The following NKAIN3 variants were observed in gnomAD, a reference collection of about 807,000 sequenced individuals.
NKAIN3 encodes the protein sodium/potassium transporting ATPase interacting 3.
A neutral mutation model predicts 30.2 loss-of-function variants in NKAIN3; 25 were observed. The observed-to-expected ratio is 0.83, with a 90% CI of 0.60 to 1.16. The LOEUF (loss-of-function observed/expected upper bound fraction) is 1.16, where lower values mean the gene tolerates loss of function less well. Ranked by LOEUF, NKAIN3 falls within the 50% of genes most tolerant of loss-of-function variation. The pLI is 0.00. For synonymous variants in NKAIN3, 91 were observed against 89.6 expected (o/e 1.02, Z -0.09); for missense variants, 225 against 254.1 (o/e 0.89, Z 0.78).
chr8:62,384,848 G>A (rs1474974071), intron 1 of NKAIN3, among the ~76,000 whole-genome samples: 8 of 152,082 alleles, frequency 5.3e-5, no homozygotes, highest in Admixed American at 5.2e-4. Context: ...GTAATGAGTA[G>A]GATTACTGTG....
At position 62,603,382 on chromosome 8, in the gene NKAIN3, G is replaced by A. The variant is rs1811037547; in HGVS notation, c.273+13588G>A. Among the ~76,000 whole-genome samples the A allele has an allele frequency of 2.0e-5, 3 of 152,150 alleles. No homozygotes were observed. In the South Asian group the frequency reaches 6.2e-4, roughly 32 times the overall value. On this transcript the variant is annotated intron_variant, in intron 3 of 6. Transcript: ENST00000623646. ...ATAAAATAAAACTGCACCACATGGTGAGATTATGATTGATGAGTATTAAGC... is the reference window on the plus strand; with the variant it reads ...ATAAAATAAAACTGCACCACATGGTAAGATTATGATTGATGAGTATTAAGC...
chr8:62,439,962 G>T (rs1375630400), intron 1 of NKAIN3, among the ~76,000 whole-genome samples: 1 of 152,172 alleles, frequency 6.6e-6, no homozygotes, highest in African/African-American at 2.4e-5. Flanking sequence ...TTAATATGAG[G>T]AGAATGTGTT....
chr8:62,767,731 C>G (rs1027083517), intron 4 of NKAIN3, among the ~76,000 whole-genome samples: 1 of 152,026 alleles, frequency 6.6e-6, no homozygotes, highest in African/African-American at 2.4e-5. Flanking sequence ...GGAACATCAT[C>G]TACAGCTGTG....
intron 1 of NKAIN3, among the ~76,000 whole-genome samples, chr8:62,444,998 T>C (rs1805437270): frequency 6.6e-6 from 1 of 152,076 alleles, no homozygotes; most frequent in South Asian, 2.1e-4. Flanking sequence ...CAGGCTGGAG[T>C]GCAGTGGCAC....
intron 1 of NKAIN3, among the ~76,000 whole-genome samples, chr8:62,436,292 G>A (rs1338817787): frequency 6.6e-6 from 1 of 152,168 alleles, no homozygotes; most frequent in African/African-American, 2.4e-5. Context: ...GTTACTGACT[G>A]TTTTCTAATT....
intron 3 of NKAIN3, among the ~76,000 whole-genome samples, chr8:62,641,238 T>C (rs1417606975): frequency 1.3e-5 from 2 of 152,140 alleles, no homozygotes; most frequent in South Asian, 2.1e-4. Flanking sequence ...AATACAGTTA[T>C]GTAATTGTGC....
intron 3 of NKAIN3, among the ~76,000 whole-genome samples, chr8:62,689,365 A>G (rs1307197533): frequency 2.0e-5 from 3 of 152,116 alleles, no homozygotes; most frequent in African/African-American, 7.2e-5. Flanking sequence ...TGCACACTTC[A>G]GTATTTAAGC....
intron 1 of NKAIN3, among the ~76,000 whole-genome samples, chr8:62,315,960 G>A (rs1814610046): frequency 1.3e-5 from 2 of 152,168 alleles, no homozygotes. Flanking sequence ...AAACCTGGTG[G>A]GAGTAATTGA....
chr8:62,383,254 A>C (rs1304893013), intron 1 of NKAIN3, among the ~76,000 whole-genome samples: 2 of 152,074 alleles, frequency 1.3e-5, no homozygotes, highest in Non-Finnish European at 2.9e-5. Flanking sequence ...AATGATTCTC[A>C]TTGTTTAGGC....
At chr8:62,492,603 A>G (rs1807105491) in intron 1 of NKAIN3, among the ~76,000 whole-genome samples, 1 of 152,182 alleles carries the variant, frequency 6.6e-6, no homozygotes, top group Non-Finnish European at 1.5e-5. Context: ...CTATTATAGT[A>G]GTTAATTCAA....
intron 4 of NKAIN3, among the ~76,000 whole-genome samples, chr8:62,887,189 T>G (rs1212206039): frequency 2.0e-5 from 3 of 152,236 alleles, no homozygotes; most frequent in Admixed American, 6.5e-5. Context: ...TTTCCAAGGA[T>G]AAGTCAGTTG....
At chr8:62,456,860 C>T (rs1036280419) in intron 1 of NKAIN3, among the ~76,000 whole-genome samples, 1 of 152,222 alleles carries the variant, frequency 6.6e-6, no homozygotes, top group African/African-American at 2.4e-5. Flanking sequence ...TTCGTTAGAA[C>T]GATTCCTGGA....
At chr8:62,553,619 C>T (rs1348572063) in intron 1 of NKAIN3, among the ~76,000 whole-genome samples, 1 of 151,952 alleles carries the variant, frequency 6.6e-6, no homozygotes, top group Non-Finnish European at 1.5e-5. Context: ...TCACTGCCAC[C>T]TCTGCCTCCT....
chr8:62,527,920 A>ATGTGTGT (rs1563441070), intron 1 of NKAIN3, among the ~76,000 whole-genome samples: 1 of 108,334 alleles, frequency 9.2e-6, no homozygotes, highest in Admixed American at 9.5e-5. Flanking sequence ...TGTGTGTGAC[A>ATGTGTGT]GAGAGACAGA....
chr8:62,489,713 A>G (rs1807011659), intron 1 of NKAIN3, among the ~76,000 whole-genome samples: 1 of 152,256 alleles, frequency 6.6e-6, no homozygotes, highest in African/African-American at 2.4e-5. Flanking sequence ...TACTTAATAT[A>G]CTGTGTTTAA....
Position 62,755,879 on chromosome 8 carries a change from T to A in NKAIN3, c.471+8750T>A, listed in dbSNP as rs183312550. On this transcript the variant is annotated intron_variant, in intron 4 of 6. Transcript: ENST00000623646. ...CAATATTGAGAGGGGTTTATGGTTG[T>A]GGGAGAATTTCCATGCCAAAAATAT... Among the ~76,000 whole-genome samples the A allele has an allele frequency of 3.9e-4, 59 of 152,282 alleles. No individual in the cohort carries two copies. The East Asian group carries it at 0.011, about 27-fold the overall frequency.
At chr8:62,354,837 G>A (rs115833969) in intron 1 of NKAIN3, among the ~76,000 whole-genome samples, 14 of 152,290 alleles carry the variant, frequency 9.2e-5, no homozygotes, top group African/African-American at 2.9e-4. Flanking sequence ...CATAAAGAAG[G>A]CTCCCTGATA....
At chr8:62,581,060 G>A (rs186149801) in intron 2 of NKAIN3, among the ~76,000 whole-genome samples, 4 of 148,570 alleles carry the variant, frequency 2.7e-5, no homozygotes, top group African/African-American at 1.0e-4. Flanking sequence ...CCATGATCAT[G>A]CCACTCCACT....
At position 62,249,097 on chromosome 8, in the gene NKAIN3, C is replaced by T; in HGVS notation, c.24C>T (p.Cys8=). 6.5e-6 allele frequency: 10 copies of T among 1,539,238 alleles called. No individual in the cohort carries two copies. Among genetic ancestry groups the T allele is most frequent in the Non-Finnish European group, 8.7e-6 (10 of 1,144,228 alleles). Residue 8 remains cysteine, a synonymous_variant, in exon 1 of 7, where the codon TGC becomes TGT. Transcript: ENST00000623646. The stretch of plus-strand genomic sequence containing the variant: ...CCATGGGCTGCTGCACCGGACGCTG[C>T]TCGCTCATCTGCCTCTGCGCGCTGC... MGCCTGR[C]SLICLCALQL...
Sources: gnomAD v4.1 joint callset for allele counts (sites outside exome capture counted in the v4.1 genomes callset) on GRCh38, gnomAD v4.1.1 for gene constraint, MANE v1.5 for transcripts, NCBI Gene and HGNC (gene_info 2026-07-23, HGNC 2026-07-21) for gene names.